PTPRT: variants seen among roughly 807,000 people sequenced by gnomAD.
The protein encoded by PTPRT is protein tyrosine phosphatase receptor type T, also known as receptor-type tyrosine-protein phosphatase T.
Under a neutral mutation model 176.8 loss-of-function variants are expected in PTPRT, and 56 were observed. The ratio of observed to expected loss-of-function variants is 0.32; its 90% CI spans 0.26 to 0.40. The LOEUF is 0.40. Among genes scored for constraint, PTPRT ranks in the 10% least tolerant of loss-of-function variants. The pLI is 1.00. For synonymous variants in PTPRT, 783 were observed against 739.0 expected (o/e 1.06, Z -0.96); for missense variants, 1,540 against 1,908.2 (o/e 0.81, Z 3.60).
At chr20:42,224,912 TC>T (rs2055970480) in intron 15 of PTPRT, among the ~76,000 whole-genome samples, 1 of 152,078 alleles carries the variant, frequency 6.6e-6, no homozygotes, top group African/African-American at 2.4e-5. Context: ...AACAAGCCTG[TC>T]CCCCAGCCCT....
chr20:42,607,670 C>T (rs1037111597), intron 7 of PTPRT: 1 of 152,242 alleles, frequency 6.6e-6, no homozygotes, highest in African/African-American at 2.4e-5. Context: ...AAAACAAGCC[C>T]TGAACATGCC....
At chr20:42,285,671 T>C (rs2057217235) in intron 12 of PTPRT, among the ~76,000 whole-genome samples, 1 of 151,672 alleles carries the variant, frequency 6.6e-6, no homozygotes, top group Non-Finnish European at 1.5e-5. Context: ...AACACAGCAC[T>C]GCAAGTCCTA....
intron 2 of PTPRT, among the ~76,000 whole-genome samples, chr20:42,819,389 A>G (rs1034192369): frequency 2.0e-5 from 3 of 152,208 alleles, no homozygotes; most frequent in African/African-American, 4.8e-5. Context: ...CATCCAAGAG[A>G]TCCTGAAAGA....
At position 42,075,962 on chromosome 20, in the gene PTPRT, A is replaced by C. The variant is rs1429606155; in HGVS notation, c.*4917T>G. 9.0e-6 allele frequency: 2 copies of C among 222,042 alleles called. No individual in the cohort carries two copies. The highest frequency in any genetic ancestry group is 4.5e-5 in the African/African-American group (2 of 44,814). The allele number at this position is 222,042 out of a possible 1,614,324, so 13.8% of individuals were successfully genotyped here. ...CCATTTTGCTAAATAAGTCATCTGC[A>C]TCCTCGGTTCTGAGTATTCACTGGG... On this transcript the variant is annotated 3_prime_UTR_variant, in exon 31 of 31. Coordinates refer to ENST00000373187, the MANE Select transcript of PTPRT (RefSeq NM_007050.6).
At chr20:42,343,172 C>T (rs983414515) in intron 11 of PTPRT, among the ~76,000 whole-genome samples, 13 of 152,154 alleles carry the variant, frequency 8.5e-5, no homozygotes, top group Non-Finnish European at 1.5e-4. Flanking sequence ...CTAGACCACA[C>T]GCCAGGTTGC....
chr20:42,248,700 T>C lies in PTPRT; in HGVS notation c.2299A>G (p.Thr767Ala). Reference protein sequence around the residue: ...FIIILLGVMLTIKRRRNAYSY... With the variant: ...FIIILLGVMLAIKRRRNAYSY... ...GCAGAGACTCACCTCCTTTTGATGG[T>C]GAGCATCACGCCCAGGAGAATGATG... The change falls in exon 14 of 31, where the codon ACC becomes GCC. Residue 767 changes from threonine to alanine, a missense_variant. Transcript: ENST00000373187. The C allele has an allele frequency of 6.2e-7, 1 of 1,613,858 alleles. No individual in the cohort carries two copies. The highest frequency in any genetic ancestry group is 8.5e-7 in the Non-Finnish European group (1 of 1,179,860).
At chr20:43,045,827 A>G in intron 1 of PTPRT, among the ~76,000 whole-genome samples, 1 of 152,122 alleles carries the variant, frequency 6.6e-6, no homozygotes, top group East Asian at 1.9e-4. Flanking sequence ...AATACAAATA[A>G]TGATTCCAAA....
chr20:43,148,494 G>A (rs960904624), intron 1 of PTPRT, among the ~76,000 whole-genome samples: 6 of 152,130 alleles, frequency 3.9e-5, no homozygotes, highest in African/African-American at 1.4e-4. Flanking sequence ...ACCCAGCACA[G>A]CAATGGATGC....
At chr20:42,179,610 A>C (rs1362392134) in intron 16 of PTPRT, among the ~76,000 whole-genome samples, 2 of 152,234 alleles carry the variant, frequency 1.3e-5, no homozygotes, top group Admixed American at 6.5e-5. Flanking sequence ...CTAACTAATA[A>C]ATTTTCATGC....
intron 1 of PTPRT, among the ~76,000 whole-genome samples, chr20:43,115,223 G>A (rs1046269016): frequency 1.3e-5 from 2 of 152,130 alleles, no homozygotes; most frequent in African/African-American, 2.4e-5. Context: ...TCCTGCCCTA[G>A]AAGGCCCCAC....
chr20:42,460,595 G>A (rs1236620024), intron 8 of PTPRT, among the ~76,000 whole-genome samples: 1 of 152,136 alleles, frequency 6.6e-6, no homozygotes, highest in Non-Finnish European at 1.5e-5. Flanking sequence ...ACATGTCAAG[G>A]GAGACACCAG....
chr20:42,575,783 T>C (rs1176992477), intron 7 of PTPRT, among the ~76,000 whole-genome samples: 3 of 151,942 alleles, frequency 2.0e-5, no homozygotes, highest in African/African-American at 7.3e-5. Flanking sequence ...CTTCTAAAGA[T>C]CTCCTGAACC....
chr20:42,688,803 T>C (rs1049525811), intron 6 of PTPRT, among the ~76,000 whole-genome samples: 17 of 152,202 alleles, frequency 1.1e-4, no homozygotes, highest in Middle Eastern at 3.4e-3. Context: ...GGCAGGTACA[T>C]GAAGGCTGGG....
intron 1 of PTPRT, among the ~76,000 whole-genome samples, chr20:43,044,510 G>A (rs1986756537): frequency 6.6e-6 from 1 of 152,132 alleles, no homozygotes; most frequent in African/African-American, 2.4e-5. Flanking sequence ...TACTGAAAAG[G>A]GGACTGAAAG....
intron 6 of PTPRT, among the ~76,000 whole-genome samples, chr20:42,706,451 C>T (rs1365472899): frequency 1.3e-5 from 2 of 151,816 alleles, no homozygotes; most frequent in East Asian, 1.9e-4. Context: ...GTACTAGGTA[C>T]GTACATTTGA....
chr20:42,323,377 T>C (rs1460247274), intron 11 of PTPRT, among the ~76,000 whole-genome samples: 1 of 152,076 alleles, frequency 6.6e-6, no homozygotes, highest in Non-Finnish European at 1.5e-5. Flanking sequence ...CCAACAATGA[T>C]AGACTGGATT....
chr20:42,527,322 C>T (rs1037392995), intron 7 of PTPRT, among the ~76,000 whole-genome samples: 3 of 152,040 alleles, frequency 2.0e-5, no homozygotes, highest in African/African-American at 7.2e-5. Context: ...CCAAACTGTA[C>T]CCAGGAATTG....
chr20:43,177,613 G>A (rs1313998033), intron 1 of PTPRT, among the ~76,000 whole-genome samples: 1 of 152,158 alleles, frequency 6.6e-6, no homozygotes, highest in East Asian at 1.9e-4. Flanking sequence ...ATAAAGAAAT[G>A]CTTCAATGCT....
intron 1 of PTPRT, among the ~76,000 whole-genome samples, chr20:43,143,755 G>T (rs1224906328): frequency 6.6e-6 from 1 of 152,178 alleles, no homozygotes; most frequent in Admixed American, 6.5e-5. Context: ...ACAGAAAGAG[G>T]CAGACAGACA....
Sources: allele counts gnomAD v4.1 joint callset (sites outside exome capture counted in the v4.1 genomes callset), GRCh38; gene constraint gnomAD v4.1.1; transcripts MANE v1.5; gene names NCBI Gene and HGNC (gene_info 2026-07-23, HGNC 2026-07-21).